The following FGF13 variants were observed in gnomAD, a reference collection of about 807,000 sequenced individuals.
The protein encoded by FGF13 is fibroblast growth factor homologous factor 2.
In FGF13, 2 loss-of-function variants were observed where a neutral mutation model predicts 19.5. The ratio of observed to expected loss-of-function variants is 0.10; its 90% CI spans 0.04 to 0.32. The LOEUF (loss-of-function observed/expected upper bound fraction) is 0.32, where lower values mean the gene tolerates loss of function less well. Among genes scored for constraint, FGF13 ranks in the 10% least tolerant of loss-of-function variants. The pLI, the probability that FGF13 is intolerant of heterozygous loss-of-function variation, is 1.00. For missense variants in FGF13, 113 were observed against 192.7 expected, an observed-to-expected ratio of 0.59 and a Z score of 2.45; for synonymous variants, 72 against 76.9, an observed-to-expected ratio of 0.94 and a Z score of 0.33.
chrX:138,938,521 C>G (rs780052051), intron 1 of FGF13, among the ~76,000 whole-genome samples: 1 of 110,978 alleles, frequency 9.0e-6, no homozygotes, highest in Non-Finnish European at 1.9e-5. Flanking sequence ...GCCAGAGTGG[C>G]GAGCTCTTGG....
chrX:139,161,202 C>G (rs2084030357), intron 1 of FGF13, among the ~76,000 whole-genome samples: 1 of 112,121 alleles, frequency 8.9e-6, no homozygotes, highest in South Asian at 3.7e-4. Flanking sequence ...ATACACAAAT[C>G]AATAAACATA....
chrX:138,830,440 C>T (rs1382732893), intron 3 of FGF13, among the ~76,000 whole-genome samples: 1 of 111,692 alleles, frequency 9.0e-6, no homozygotes, highest in Non-Finnish European at 1.9e-5. Flanking sequence ...TTTTAAAAAA[C>T]TTGGCAGGAT....
chrX:138,953,928 A>G (rs2091828038), intron 1 of FGF13, among the ~76,000 whole-genome samples: 1 of 111,264 alleles, frequency 9.0e-6, no homozygotes, highest in African/African-American at 3.3e-5. Flanking sequence ...TTGTCTCTGG[A>G]AAGGGTGAGG....
chrX:139,103,787 T>G (rs1456640198), intron 1 of FGF13, among the ~76,000 whole-genome samples: 2 of 111,896 alleles, frequency 1.8e-5, no homozygotes, highest in Non-Finnish European at 3.8e-5. Flanking sequence ...GACTGAGAAT[T>G]GAATAACATG....
At chrX:139,072,340 G>A (rs190067618) in intron 1 of FGF13, among the ~76,000 whole-genome samples, 3 of 109,731 alleles carry the variant, frequency 2.7e-5, no homozygotes, top group Non-Finnish European at 5.7e-5. Flanking sequence ...CACAGCAATA[G>A]GAAGCCTTCT....
At chrX:138,742,542 GTCATGATCTA>G (rs2090327252), upstream of FGF13, among the ~76,000 whole-genome samples, 1 of 110,544 alleles carries the variant, frequency 9.0e-6, no homozygotes, top group Non-Finnish European at 1.9e-5. Context: ...TACCCCGGAG[GTCATGATCTA>G]TCATCTGTTC....
At chrX:138,715,172 G>T (rs1356501043), upstream of FGF13, among the ~76,000 whole-genome samples, 1 of 111,988 alleles carries the variant, frequency 8.9e-6, no homozygotes, top group Non-Finnish European at 1.9e-5. Context: ...TTTTGACCAT[G>T]TTCAGAAAGA....
At chrX:138,756,485 T>C (rs2090432178) in intron 3 of FGF13, among the ~76,000 whole-genome samples, 1 of 112,709 alleles carries the variant, frequency 8.9e-6, no homozygotes, top group Admixed American at 9.3e-5. Context: ...GATTGCTCCT[T>C]CAGGCAGGAC....
chrX:138,881,452 C>A (rs1319682229), intron 1 of FGF13, among the ~76,000 whole-genome samples: 2 of 111,836 alleles, frequency 1.8e-5, no homozygotes, highest in African/African-American at 3.2e-5. Context: ...GTTCCCTTCT[C>A]TTCTATGTTA....
At chrX:139,130,651 GC>G (rs1212532556) in intron 1 of FGF13, among the ~76,000 whole-genome samples, 2 of 111,511 alleles carry the variant, frequency 1.8e-5, no homozygotes, top group Non-Finnish European at 3.8e-5. Context: ...CCTTATTAAT[GC>G]CTATGGCTCA....
At position 138,924,988 on chromosome X, in the gene FGF13, G is replaced by A. The variant is rs191218572; in HGVS notation, c.-112-60338C>T. 4.6e-3 allele frequency among the ~76,000 whole-genome samples: 516 copies of A among 111,541 alleles called. 2 individuals are homozygous for A. Among genetic ancestry groups the A allele is most frequent in the Non-Finnish European group, 7.6e-3 (402 of 53,094 alleles). On this transcript the variant is annotated intron_variant, in intron 1 of 2. Transcript: ENST00000421460. ...ATGATGGTTTCCTGAGAGCTACAAT[G>A]AATTCAAGTAGCAGCAGGTCTCAAT...
At chrX:138,928,144 T>C (rs1317794862) in intron 1 of FGF13, among the ~76,000 whole-genome samples, 2 of 110,871 alleles carry the variant, frequency 1.8e-5, no homozygotes, top group African/African-American at 3.3e-5. Flanking sequence ...GCATAAAACA[T>C]TGAAAAAGAA....
intron 1 of FGF13, among the ~76,000 whole-genome samples, chrX:139,129,181 A>ACATG (rs1556370095): frequency 2.3e-5 from 2 of 87,100 alleles, no homozygotes; most frequent in Non-Finnish European, 4.4e-5. Flanking sequence ...ACACACACAC[A>ACATG]TGTGTGTGTG....
In FGF13 at chrX:138,654,744, A is replaced by AATACATACATACATAC. The variant is rs61363120; in HGVS notation, c.403-19105_403-19090dup. Reference sequence around the variant, plus strand: ...TGACAGAGTGAAACTCCGGCTCAAAAATACATACATACATACATACATACA... The same window carrying AATACATACATACATAC: ...TGACAGAGTGAAACTCCGGCTCAAAAATACATACATACATACATACATACATACATACATACATACA... On this transcript the variant is annotated intron_variant, in intron 3 of 4. Coordinates refer to ENST00000315930, the MANE Select transcript of FGF13 (RefSeq NM_004114.5). Among the ~76,000 whole-genome samples, 3 of 105,099 alleles carry AATACATACATACATAC rather than the reference A, an allele frequency of 2.9e-5. No individual in the cohort carries two copies. In the Admixed American group the frequency reaches 3.1e-4, roughly 11 times the overall value. 91.3% of individuals were successfully genotyped at this position (105,099 alleles called of 115,157 possible).
intron 1 of FGF13, among the ~76,000 whole-genome samples, chrX:139,004,625 C>T (rs996863578): frequency 2.2e-4 from 25 of 112,453 alleles, no homozygotes; most frequent in Non-Finnish European, 1.5e-4. Context: ...ACACCAAGAG[C>T]GCTTTTGAGG....
At chrX:139,082,233 C>A (rs1042311875) in intron 1 of FGF13, among the ~76,000 whole-genome samples, 2 of 111,263 alleles carry the variant, frequency 1.8e-5, no homozygotes, top group African/African-American at 6.5e-5. Flanking sequence ...CCTCAGATAT[C>A]CGCATGGCTG....
At chrX:139,093,718 A>T (rs1055357241) in intron 1 of FGF13, among the ~76,000 whole-genome samples, 40 of 111,935 alleles carry the variant, frequency 3.6e-4, no homozygotes, top group African/African-American at 1.3e-3. Context: ...TGGAGCCAAG[A>T]TGCACATGTT....
At chrX:139,039,609 C>CAGAATAATGGAGTGGGGT (rs1270948859) in intron 1 of FGF13, among the ~76,000 whole-genome samples, 3 of 111,126 alleles carry the variant, frequency 2.7e-5, no homozygotes, top group African/African-American at 9.8e-5. Context: ...TAGTTTGTAA[C>CAGAATAATGGAGTGGGGT]AGAATAATGG....
At chrX:138,865,486 CCT>C (rs1328298183) in intron 1 of FGF13, among the ~76,000 whole-genome samples, 20 of 93,067 alleles carry the variant, frequency 2.1e-4, no homozygotes, top group Non-Finnish European at 3.9e-4. Context: ...CTCTCTCTCT[CCT>C]CTCTCTCTCC....
Sources: gnomAD v4.1 joint callset for allele counts (sites outside exome capture counted in the v4.1 genomes callset) on GRCh38, gnomAD v4.1.1 for gene constraint, MANE v1.5 for transcripts, NCBI Gene and HGNC (gene_info 2026-07-23, HGNC 2026-07-21) for gene names.